The following ADAMTS19 variants were observed in gnomAD, a reference collection of about 807,000 sequenced individuals.
ADAMTS19 encodes the protein A disintegrin and metalloproteinase with thrombospondin motifs 19.
A neutral mutation model predicts 153.3 loss-of-function variants in ADAMTS19; 93 were observed. That is an observed-to-expected ratio of 0.61 (90% CI 0.51 to 0.72). ADAMTS19 has a LOEUF of 0.72. Ranked by LOEUF, ADAMTS19 falls within the 30% of genes least tolerant of loss-of-function variation. ADAMTS19 has a pLI of 0.00. For missense variants in ADAMTS19, 1,482 were observed against 1,552.1 expected, an observed-to-expected ratio of 0.95 and a Z score of 0.76; for synonymous variants, 600 against 556.6, an observed-to-expected ratio of 1.08 and a Z score of -1.10.
chr5:129,681,721 C>T, intron 17 of ADAMTS19, among the ~76,000 whole-genome samples: 1 of 152,196 alleles, frequency 6.6e-6, no homozygotes, highest in South Asian at 2.1e-4. Context: ...TACCAAACTG[C>T]CTTAAATCAA....
chr5:129,708,382 G>A (rs1044839993), intron 21 of ADAMTS19, among the ~76,000 whole-genome samples: 4 of 151,972 alleles, frequency 2.6e-5, no homozygotes, highest in Non-Finnish European at 5.9e-5. Flanking sequence ...TTTCTTGGGA[G>A]AAAAGAACAT....
intron 8 of ADAMTS19, among the ~76,000 whole-genome samples, chr5:129,597,487 T>C (rs1750434665): frequency 6.6e-6 from 1 of 152,168 alleles, no homozygotes. Context: ...AACTGTTCCA[T>C]TAAGTTATCT....
chr5:129,697,881 G>T (rs929126792), intron 19 of ADAMTS19, among the ~76,000 whole-genome samples: 2 of 152,156 alleles, frequency 1.3e-5, no homozygotes, highest in African/African-American at 2.4e-5. Context: ...GTTTTATATT[G>T]CCATATAGTT....
intron 21 of ADAMTS19, among the ~76,000 whole-genome samples, chr5:129,708,614 A>AG (rs1491541680): frequency 1.0e-4 from 15 of 145,424 alleles, no homozygotes; most frequent in African/African-American, 2.9e-4. Context: ...AAAAAAAAAA[A>AG]GAGTACTATT....
At chr5:129,676,392 G>C (rs1031995602) in intron 16 of ADAMTS19, among the ~76,000 whole-genome samples, 6 of 151,312 alleles carry the variant, frequency 4.0e-5, no homozygotes, top group Non-Finnish European at 7.4e-5. Flanking sequence ...GCCTTTTTTT[G>C]TTCTCCACTA....
chr5:129,613,062 A>T (rs1416304096), intron 8 of ADAMTS19, among the ~76,000 whole-genome samples: 1 of 152,152 alleles, frequency 6.6e-6, no homozygotes, highest in Non-Finnish European at 1.5e-5. Context: ...CTACAAAGAG[A>T]CTTAGACTCC....
intron 21 of ADAMTS19, among the ~76,000 whole-genome samples, chr5:129,708,732 G>A (rs1357461357): frequency 6.6e-6 from 1 of 151,754 alleles, no homozygotes; most frequent in Non-Finnish European, 1.5e-5. Flanking sequence ...ATTCTGTTGA[G>A]AAACAAGGCA....
chr5:129,525,433 G>A (rs1169727195), intron 3 of ADAMTS19, among the ~76,000 whole-genome samples: 4 of 151,932 alleles, frequency 2.6e-5, no homozygotes, highest in Admixed American at 6.6e-5. Flanking sequence ...ATGCTATTAG[G>A]CATTTAGATA....
At chr5:129,654,925 C>T (rs62400968) in intron 14 of ADAMTS19, among the ~76,000 whole-genome samples, 3,596 of 152,182 alleles carry the variant, frequency 0.024, 64 homozygotes, top group Non-Finnish European at 0.035. Flanking sequence ...GCTTTTCTCT[C>T]TTTTAAAAAA....
chr5:129,714,425 C>CAAAAAA (rs397949658), intron 21 of ADAMTS19, among the ~76,000 whole-genome samples: 5 of 98,232 alleles, frequency 5.1e-5, no homozygotes, highest in African/African-American at 2.1e-4. Flanking sequence ...GACTCCGTCT[C>CAAAAAA]AAAAAAAAAA....
intron 18 of ADAMTS19, among the ~76,000 whole-genome samples, chr5:129,689,898 T>G (rs989704148): frequency 6.6e-6 from 1 of 152,238 alleles, no homozygotes; most frequent in Non-Finnish European, 1.5e-5. Flanking sequence ...CAGAAACTAT[T>G]CATAACCTTG....
At position 129,679,823 on chromosome 5, in the gene ADAMTS19, G is replaced by A. The variant is rs760671065; in HGVS notation, c.2566G>A (p.Ala856Thr). Residue 856 changes from alanine to threonine, a missense_variant, in exon 17 of 23, where the codon GCC (alanine) becomes ACC (threonine). Coordinates refer to ENST00000274487, the MANE Select transcript of ADAMTS19 (RefSeq NM_133638.6). ...NSDWKIEHSG[A>T]FNLAGTTVHY... ...TGACTGGAAGATTGAACACTCTGGAGCCTTCAATTTGGCTGGAACTACCGT... is the reference window on the plus strand; with the variant it reads ...TGACTGGAAGATTGAACACTCTGGAACCTTCAATTTGGCTGGAACTACCGT... 159 of 1,613,978 alleles carry A rather than the reference G, an allele frequency of 9.9e-5. 2 individuals carry two copies. The South Asian group carries it at 1.4e-3, about 14-fold the overall frequency.
At chr5:129,591,375 C>A (rs1018779194) in intron 7 of ADAMTS19, among the ~76,000 whole-genome samples, 9 of 151,916 alleles carry the variant, frequency 5.9e-5, no homozygotes, top group Non-Finnish European at 5.9e-5. Flanking sequence ...TCACTGCAAC[C>A]TCTGCATCCC....
At chr5:129,530,118 G>A (rs1752148085) in intron 6 of ADAMTS19, among the ~76,000 whole-genome samples, 1 of 152,098 alleles carries the variant, frequency 6.6e-6, no homozygotes, top group South Asian at 2.1e-4. Context: ...TTCAGAGGAA[G>A]ATAACAGAAT....
In ADAMTS19 at chr5:129,622,429, G is replaced by C. The variant is rs898086901; in HGVS notation, c.1770+81G>C. 2.0e-6 allele frequency: 3 copies of C among 1,504,282 alleles called. No individual in the cohort carries two copies. The African/African-American group carries it at 4.2e-5, about 21-fold the overall frequency. 93.2% of individuals were successfully genotyped at this position (1,504,282 alleles called of 1,614,324 possible). On this transcript the variant is annotated intron_variant, in intron 10 of 22. Transcript: ENST00000274487. ...GGTAGGAGAAGGTAACATTATTTTAGGGTTTGTGGATCAAAAGCACCCCAA... is the reference window on the plus strand; with the variant it reads ...GGTAGGAGAAGGTAACATTATTTTACGGTTTGTGGATCAAAAGCACCCCAA...
intron 11 of ADAMTS19, among the ~76,000 whole-genome samples, chr5:129,644,588 A>G (rs186976920): frequency 1.1e-4 from 17 of 152,330 alleles, no homozygotes; most frequent in Non-Finnish European, 1.2e-4. Context: ...ATGCAAATTG[A>G]AAACAACTTG....
intron 18 of ADAMTS19, among the ~76,000 whole-genome samples, chr5:129,685,307 T>C (rs574547866): frequency 6.6e-6 from 1 of 151,988 alleles, no homozygotes; most frequent in African/African-American, 2.4e-5. Context: ...ATGCCACCAT[T>C]TAGAGTTTGG....
intron 13 of ADAMTS19, among the ~76,000 whole-genome samples, chr5:129,649,689 G>A (rs1025262514): frequency 7.2e-5 from 11 of 152,134 alleles, no homozygotes; most frequent in East Asian, 1.9e-4. Context: ...ATAAAATGGC[G>A]TACAGCTATA....
rs1476829064 is a variant in ADAMTS19 at position 129,658,804 on chromosome 5, A to T, written c.2425+67A>T. On this transcript the variant is annotated intron_variant, in intron 15 of 22. Transcript: ENST00000274487. The stretch of plus-strand genomic sequence containing the variant: ...TCTTTGGGAACACAGATTATATTGA[A>T]TTTAACTTAAGAGATTATAGTTCTA... The T allele has an allele frequency of 7.6e-6, 11 of 1,455,280 alleles. No individual in the cohort carries two copies. The Admixed American group carries it at 2.3e-4, about 31-fold the overall frequency. 90.1% of individuals were successfully genotyped at this position (1,455,280 alleles called of 1,614,324 possible).
Sources: allele counts gnomAD v4.1 joint callset (sites outside exome capture counted in the v4.1 genomes callset), GRCh38; gene constraint gnomAD v4.1.1; transcripts MANE v1.5; gene names NCBI Gene and HGNC (gene_info 2026-07-23, HGNC 2026-07-21).